The following NPAS3 variants were observed in gnomAD, a reference collection of about 807,000 sequenced individuals.
NPAS3 encodes neuronal PAS domain-containing protein 3.
In NPAS3, 14 loss-of-function variants were observed where a neutral mutation model predicts 73.1. The ratio of observed to expected loss-of-function variants is 0.19; its 90% CI spans 0.13 to 0.30. The LOEUF is 0.30. NPAS3 is among the 10% of genes least tolerant of loss of function. The pLI is 1.00. For missense variants in NPAS3, 1,096 were observed against 1,250.0 expected (o/e 0.88, Z 1.86); for synonymous variants, 620 against 541.5 (o/e 1.14, Z -2.01).
intron 7 of NPAS3, among the ~76,000 whole-genome samples, chr14:33,744,485 G>A (rs1464695696): frequency 3.9e-5 from 6 of 152,052 alleles, no homozygotes; most frequent in Non-Finnish European, 8.8e-5. Flanking sequence ...ACTATAACAG[G>A]TATACTAATA....
chr14:33,142,059 T>G (rs2044067784), intron 2 of NPAS3, among the ~76,000 whole-genome samples: 1 of 152,156 alleles, frequency 6.6e-6, no homozygotes, highest in Non-Finnish European at 1.5e-5. Flanking sequence ...TCTACCTATT[T>G]TTCTGTTAGA....
chr14:33,309,840 T>C (rs1053349143), intron 3 of NPAS3, among the ~76,000 whole-genome samples: 32 of 152,198 alleles, frequency 2.1e-4, no homozygotes, highest in Non-Finnish European at 1.2e-4. Flanking sequence ...AAAAGGCGAA[T>C]GCTCAGCTAG....
chr14:33,463,672 C>CAAA (rs1381820339), intron 4 of NPAS3, among the ~76,000 whole-genome samples: 1 of 152,090 alleles, frequency 6.6e-6, no homozygotes, highest in Non-Finnish European at 1.5e-5. Flanking sequence ...TAAACTGAGG[C>CAAA]AAAGAAAATA....
chr14:33,330,851 T>C (rs1053016128), intron 3 of NPAS3, among the ~76,000 whole-genome samples: 3 of 152,312 alleles, frequency 2.0e-5, no homozygotes, highest in Admixed American at 1.3e-4. Context: ...ATAATTTCCA[T>C]TGAGCAGTGA....
chr14:33,404,094 T>A (rs1247351272), intron 4 of NPAS3, among the ~76,000 whole-genome samples: 1 of 152,028 alleles, frequency 6.6e-6, no homozygotes, highest in African/African-American at 2.4e-5. Context: ...AATAGTAAAA[T>A]TTTTTTGTCT....
intron 6 of NPAS3, among the ~76,000 whole-genome samples, chr14:33,679,819 A>G (rs1049444549): frequency 6.6e-6 from 1 of 152,228 alleles, no homozygotes; most frequent in African/African-American, 2.4e-5. Flanking sequence ...GTCCTGACTC[A>G]GCCTCAGGAT....
chr14:33,464,700 G>A (rs1437022800), intron 4 of NPAS3, among the ~76,000 whole-genome samples: 2 of 152,094 alleles, frequency 1.3e-5, no homozygotes, highest in African/African-American at 4.8e-5. Context: ...CTTTTTCATC[G>A]GCCGTGCATG....
At chr14:33,620,907 C>A (rs2058058967) in intron 5 of NPAS3, among the ~76,000 whole-genome samples, 1 of 152,066 alleles carries the variant, frequency 6.6e-6, no homozygotes, top group Non-Finnish European at 1.5e-5. Context: ...TCTGAGAAAC[C>A]TAAAGCTAAC....
At chr14:33,565,789 A>G (rs1416279861) in intron 5 of NPAS3, among the ~76,000 whole-genome samples, 1 of 152,180 alleles carries the variant, frequency 6.6e-6, no homozygotes, top group Non-Finnish European at 1.5e-5. Context: ...GGTGTTCTAA[A>G]TGTATTCAAT....
chr14:33,664,483 C>G (rs2140288357), intron 5 of NPAS3, among the ~76,000 whole-genome samples: 1 of 152,184 alleles, frequency 6.6e-6, no homozygotes, highest in African/African-American at 2.4e-5. Context: ...ACTAAAACAC[C>G]AAAAGCAATG....
At chr14:33,580,891 A>G (rs1477221633) in intron 5 of NPAS3, among the ~76,000 whole-genome samples, 1 of 151,498 alleles carries the variant, frequency 6.6e-6, no homozygotes, top group Non-Finnish European at 1.5e-5. Context: ...CTATTTCTCT[A>G]CCCCCACCAG....
chr14:33,504,199 G>T (rs2052653142), intron 4 of NPAS3, among the ~76,000 whole-genome samples: 1 of 151,950 alleles, frequency 6.6e-6, no homozygotes, highest in African/African-American at 2.4e-5. Context: ...TCATACATGA[G>T]GACCCAATTA....
intron 5 of NPAS3, among the ~76,000 whole-genome samples, chr14:33,605,042 A>C (rs1455077467): frequency 2.0e-5 from 3 of 152,106 alleles, no homozygotes; most frequent in Non-Finnish European, 2.9e-5. Context: ...ACAAGAAATT[A>C]AATCTAAAAT....
intron 2 of NPAS3, among the ~76,000 whole-genome samples, chr14:33,080,800 A>T (rs1372830664): frequency 6.6e-6 from 1 of 152,240 alleles, no homozygotes; most frequent in Non-Finnish European, 1.5e-5. Flanking sequence ...GACCACAAGT[A>T]GGGAGCCCAT....
At chr14:33,063,348 T>C (rs2041171867) in intron 2 of NPAS3, among the ~76,000 whole-genome samples, 1 of 152,200 alleles carries the variant, frequency 6.6e-6, no homozygotes, top group Non-Finnish European at 1.5e-5. Context: ...AACAGAAGCT[T>C]ACAGAGCTGA....
At chr14:33,289,815 C>T (rs894756521) in intron 3 of NPAS3, among the ~76,000 whole-genome samples, 25 of 103,660 alleles carry the variant, frequency 2.4e-4, no homozygotes, top group African/African-American at 9.8e-4. Flanking sequence ...GAGCAAGACT[C>T]CGTCTCAAAA....
At chr14:33,390,782 G>T (rs960430222) in intron 4 of NPAS3, among the ~76,000 whole-genome samples, 5 of 151,990 alleles carry the variant, frequency 3.3e-5, no homozygotes, top group Non-Finnish European at 7.4e-5. Context: ...CACTTTTAGG[G>T]TCTAGAATCT....
intron 3 of NPAS3, among the ~76,000 whole-genome samples, chr14:33,274,048 T>C (rs752156042): frequency 9.9e-5 from 15 of 152,224 alleles, no homozygotes; most frequent in Middle Eastern, 6.8e-3. Flanking sequence ...AAGATGCTGT[T>C]TGGAGAGACA....
chr14:33,402,455 G>A (rs1252226328), intron 4 of NPAS3, among the ~76,000 whole-genome samples: 5 of 152,008 alleles, frequency 3.3e-5, no homozygotes, highest in African/African-American at 1.2e-4. Flanking sequence ...GAATTGAATG[G>A]TGTGAGGGAC....
Sources: gnomAD v4.1 joint callset for allele counts (sites outside exome capture counted in the v4.1 genomes callset) on GRCh38, gnomAD v4.1.1 for gene constraint, MANE v1.5 for transcripts, NCBI Gene and HGNC (gene_info 2026-07-23, HGNC 2026-07-21) for gene names.